DLGAP1: variants seen among roughly 807,000 people sequenced by gnomAD.
The protein encoded by DLGAP1 is DLG associated protein 1.
In DLGAP1, 11 loss-of-function variants were observed where a neutral mutation model predicts 90.8. The ratio of observed to expected loss-of-function variants is 0.12; its 90% confidence interval spans 0.08 to 0.20. DLGAP1 has a LOEUF of 0.20. Among genes scored for constraint, DLGAP1 ranks in the 10% least tolerant of loss-of-function variants. DLGAP1 has a pLI of 1.00. For missense variants in DLGAP1, 1,050 were observed against 1,333.8 expected, an observed-to-expected ratio of 0.79 and a Z score of 3.31; for synonymous variants, 558 against 540.7, an observed-to-expected ratio of 1.03 and a Z score of -0.44.
chr18:4,278,231 A>C (rs2079461964), intron 1 of DLGAP1, among the ~76,000 whole-genome samples: 1 of 152,102 alleles, frequency 6.6e-6, no homozygotes, highest in Admixed American at 6.6e-5. Flanking sequence ...TGATAAACTA[A>C]ATGAGTATTA....
chr18:3,725,066 C>T (rs935618598), intron 7 of DLGAP1, among the ~76,000 whole-genome samples: 13 of 152,180 alleles, frequency 8.5e-5, no homozygotes, highest in African/African-American at 2.7e-4. Flanking sequence ...CTCCCTATCT[C>T]TTTACCATCT....
intron 7 of DLGAP1, among the ~76,000 whole-genome samples, chr18:3,688,482 A>G (rs1598355302): frequency 6.6e-6 from 1 of 152,126 alleles, no homozygotes; most frequent in East Asian, 1.9e-4. Context: ...TTAAAAAAAA[A>G]CAAAAGAAAA....
chr18:3,593,557 A>G (rs574486013), intron 7 of DLGAP1, among the ~76,000 whole-genome samples: 1 of 152,266 alleles, frequency 6.6e-6, no homozygotes, highest in Non-Finnish European at 1.5e-5. Flanking sequence ...AACTTTTTCT[A>G]AAGTAGAAAA....
intron 1 of DLGAP1, among the ~76,000 whole-genome samples, chr18:4,197,977 T>G (rs1365974043): frequency 1.3e-5 from 2 of 152,012 alleles, no homozygotes. Flanking sequence ...ATCCCAGCAC[T>G]TTGGGAGGCT....
At chr18:4,250,835 T>C (rs952206282) in intron 1 of DLGAP1, among the ~76,000 whole-genome samples, 1 of 151,698 alleles carries the variant, frequency 6.6e-6, no homozygotes, top group Non-Finnish European at 1.5e-5. Flanking sequence ...CAGACCTACA[T>C]GAAGCTGAAA....
intron 3 of DLGAP1, among the ~76,000 whole-genome samples, chr18:3,948,208 CA>C (rs886535554): frequency 1.3e-5 from 2 of 152,158 alleles, no homozygotes; most frequent in African/African-American, 4.8e-5. Flanking sequence ...CAAAGACATC[CA>C]GTTGATGGCA....
chr18:3,715,006 G>A (rs1198919050), intron 7 of DLGAP1, among the ~76,000 whole-genome samples: 1 of 152,158 alleles, frequency 6.6e-6, no homozygotes, highest in African/African-American at 2.4e-5. Flanking sequence ...GCTTCACAAT[G>A]CTTTGAAGTA....
At chr18:4,216,241 A>G (rs898638973) in intron 1 of DLGAP1, among the ~76,000 whole-genome samples, 5 of 151,914 alleles carry the variant, frequency 3.3e-5, no homozygotes, top group African/African-American at 1.2e-4. Context: ...GTGAGATCTC[A>G]GTCACTATCA....
intron 2 of DLGAP1, among the ~76,000 whole-genome samples, chr18:4,090,919 A>C (rs777401877): frequency 2.0e-5 from 3 of 152,262 alleles, no homozygotes; most frequent in Non-Finnish European, 4.4e-5. Context: ...GCCATAAAAA[A>C]GAATGAGACC....
chr18:4,013,196 T>A (rs1277571585), intron 2 of DLGAP1, among the ~76,000 whole-genome samples: 2 of 152,234 alleles, frequency 1.3e-5, no homozygotes, highest in Non-Finnish European at 2.9e-5. Flanking sequence ...CCTCAAATCA[T>A]GATTGCAAAT....
rs763914667 is a variant in DLGAP1 at position 3,879,995 on chromosome 18, T to C, written c.74A>G (p.His25Arg). 4 of 1,611,196 alleles carry C rather than the reference T, an allele frequency of 2.5e-6. No homozygotes were observed. In the South Asian group the frequency reaches 4.4e-5, roughly 18 times the overall value. The change falls in exon 4 of 13, where the codon CAC becomes CGC. Residue 25 changes from histidine to arginine, a missense_variant. His to Arg is a conservative substitution (Grantham distance 29). Around this residue, in one of 2 missense-constraint regions of DLGAP1, gnomAD observed 485 missense variants for 454.1 expected, o/e 1.07. Transcript: ENST00000315677. The surrounding 1 kb of genome is among the most constrained non-coding windows in gnomAD (Gnocchi z 6.6). ...TCDSACDSLS[H>R]HSDRKPYLLS... ...CAGGTAGGGCTTGCGGTCGGAGTGG[T>C]GCGACAGCGAGTCACAGGCCGAGTC...
intron 10 of DLGAP1, 38 bp downstream of exon 10, chr18:3,534,156 C>A: frequency 6.3e-7 from 1 of 1,583,530 alleles, no homozygotes; most frequent in South Asian, 1.2e-5. Context: ...CAACCCCAGC[C>A]CCAGGGGACG....
At position 3,703,717 on chromosome 18, in the gene DLGAP1, C is replaced by T. The variant is rs367658787; in HGVS notation, c.1591+25418G>A. ...AAAGAATTGTTTCTTATTTTCCTCC[C>T]GAAGATGCAACCAAATGCCCTCTTT... On this transcript the variant is annotated intron_variant, in intron 7 of 12. Transcript: ENST00000315677. 2.6e-5 allele frequency among the ~76,000 whole-genome samples: 4 copies of T among 152,134 alleles called. No homozygotes were observed. The South Asian group carries it at 8.3e-4, about 32-fold the overall frequency.
At chr18:3,590,018 C>T (rs2056140265) in intron 7 of DLGAP1, among the ~76,000 whole-genome samples, 1 of 152,234 alleles carries the variant, frequency 6.6e-6, no homozygotes, top group Non-Finnish European at 1.5e-5. Flanking sequence ...TCAAGCAATT[C>T]TCCTGCTTCA....
At chr18:4,445,403 C>T (rs745505594) in intron 1 of DLGAP1, among the ~76,000 whole-genome samples, 6 of 150,644 alleles carry the variant, frequency 4.0e-5, no homozygotes, top group Admixed American at 6.6e-5. Context: ...CCCACTAACT[C>T]GTCATCTAGC....
intron 2 of DLGAP1, among the ~76,000 whole-genome samples, chr18:4,043,884 G>A (rs2075012172): frequency 6.6e-6 from 1 of 152,192 alleles, no homozygotes; most frequent in African/African-American, 2.4e-5. Flanking sequence ...ATTTTCTCAA[G>A]TGTTAGTAAG....
chr18:4,368,196 C>T (rs2081822232), intron 1 of DLGAP1, among the ~76,000 whole-genome samples: 1 of 152,170 alleles, frequency 6.6e-6, no homozygotes, highest in Admixed American at 6.5e-5. Context: ...AAATTTCTAA[C>T]AAGTCTATAC....
intron 2 of DLGAP1, among the ~76,000 whole-genome samples, chr18:4,117,015 G>C (rs1301710504): frequency 6.6e-6 from 1 of 152,178 alleles, no homozygotes; most frequent in Non-Finnish European, 1.5e-5. Flanking sequence ...CTTTCAAAGA[G>C]GTAATTAGGT....
At chr18:4,236,407 T>C (rs1373471904) in intron 1 of DLGAP1, among the ~76,000 whole-genome samples, 4 of 152,312 alleles carry the variant, frequency 2.6e-5, no homozygotes, top group East Asian at 1.9e-4. Flanking sequence ...ACCTAGTAAA[T>C]GTGCCACTGA....
Sources: gnomAD v4.1 joint callset for allele counts (sites outside exome capture counted in the v4.1 genomes callset) on GRCh38, gnomAD v4.1.1 for gene constraint, gnomAD v4.1.1 regional missense constraint, Gnocchi (gnomAD v3.1) non-coding constraint, MANE v1.5 for transcripts, NCBI Gene and HGNC (gene_info 2026-07-23, HGNC 2026-07-21) for gene names.